Variants in PFKP observed in about 807,000 individuals in gnomAD.
The protein encoded by PFKP is ATP-dependent 6-phosphofructokinase, platelet type.
PFKP carries 101 observed loss-of-function variants against 94.3 expected under a neutral mutation model. The ratio of observed to expected loss-of-function variants is 1.07; its 90% CI spans 0.91 to 1.26. The LOEUF is 1.26. Ranked by LOEUF, PFKP falls within the 50% of genes most tolerant of loss-of-function variation. The pLI is 0.00. For synonymous variants in PFKP, 573 were observed against 432.6 expected (o/e 1.32, Z -4.03); for missense variants, 1,145 against 1,103.3 (o/e 1.04, Z -0.53).
intron 17 of PFKP, among the ~76,000 whole-genome samples, chr10:3,130,384 GAC>G (rs1157372580): frequency 4.6e-5 from 7 of 152,164 alleles, no homozygotes; most frequent in African/African-American, 1.4e-4. Flanking sequence ...CCTCTAAACG[GAC>G]ACAGACATGA....
chr10:3,101,651 C>T lies in PFKP; in HGVS notation c.454+97C>T, dbSNP rs368873529. On this transcript the variant is annotated intron_variant, in intron 4 of 21. Transcript: ENST00000381125. Reference sequence around the variant, plus strand: ...CCTCTTCACTGTGGCAGAAGTACCTCTTCTCACAGATCTTACAGGTCACCA... The same window carrying T: ...CCTCTTCACTGTGGCAGAAGTACCTTTTCTCACAGATCTTACAGGTCACCA... The T allele has an allele frequency of 2.1e-4, 172 of 827,776 alleles. No homozygotes were observed. In the Middle Eastern group the frequency reaches 2.3e-3, roughly 11 times the overall value. The allele number at this position is 827,776 out of a possible 1,614,324, so 51.3% of individuals were successfully genotyped here. A position where few individuals can be genotyped will look rare whatever the true frequency, so the allele number is the denominator to read the frequency against.
chr10:3,117,465 TGGAA>T (rs1836949739), intron 14 of PFKP, among the ~76,000 whole-genome samples: 1 of 152,190 alleles, frequency 6.6e-6, no homozygotes, highest in Non-Finnish European at 1.5e-5. Context: ...CAATTTCACA[TGGAA>T]GGAAGGTAGT....
Position 3,109,374 on chromosome 10 carries a change from AG to A in PFKP, c.985del (p.Ala329GlnfsTer6). The A allele has an allele frequency of 6.2e-7, 1 of 1,610,480 alleles. No homozygotes were observed. Among genetic ancestry groups the A allele is most frequent in the Non-Finnish European group, 8.5e-7 (1 of 1,179,998 alleles). On this transcript the variant is annotated frameshift_variant, in exon 10 of 22. Transcript: ENST00000381125. LOFTEE classifies it high-confidence loss of function. The part of the protein sequence containing the change: ...DRILASRMGV[E>X]AVIALLEATP... ...TTCCAGGCCAGCCGCATGGGAGTGG[AG>A]GCAGTCATCGCCTTGCTAGAGGCCA... is the stretch of plus-strand genomic sequence containing the variant.
intron 4 of PFKP, among the ~76,000 whole-genome samples, chr10:3,102,913 C>T (rs1385081721): frequency 1.3e-5 from 2 of 152,230 alleles, no homozygotes; most frequent in Non-Finnish European, 2.9e-5. Flanking sequence ...CCGTCTGGCA[C>T]AGCACAGTGA....
intron 13 of PFKP, among the ~76,000 whole-genome samples, chr10:3,115,641 C>T (rs1836769027): frequency 6.6e-6 from 1 of 151,694 alleles, no homozygotes; most frequent in Admixed American, 6.6e-5. Context: ...CCGCTGTGTC[C>T]CAGCATCTTC....
chr10:3,070,068 C>T (rs546098716), intron 1 of PFKP, among the ~76,000 whole-genome samples: 17 of 152,372 alleles, frequency 1.1e-4, no homozygotes, highest in Non-Finnish European at 2.5e-4. Flanking sequence ...AATATGGTGG[C>T]CTCGAGCCCA....
chr10:3,088,550 C>A (rs10903957), intron 2 of PFKP, among the ~76,000 whole-genome samples: 68,638 of 151,524 alleles, frequency 0.45, 16,061 homozygotes, highest in Middle Eastern at 0.63. Context: ...GTGACGGCTC[C>A]CACCTCTCTT....
intron 19 of PFKP, 108 bp downstream of exon 19, chr10:3,133,422 A>AGAT (rs1377893473): frequency 2.6e-5 from 20 of 775,326 alleles, no homozygotes; most frequent in Non-Finnish European, 4.3e-5. Flanking sequence ...GTAAATTCCA[A>AGAT]GATGATAAAA....
intron 1 of PFKP, among the ~76,000 whole-genome samples, chr10:3,080,906 A>G (rs2131414184): frequency 6.6e-6 from 1 of 152,162 alleles, no homozygotes; most frequent in African/African-American, 2.4e-5. Flanking sequence ...CAGAGAAGAA[A>G]GTTGTGCTGT....
At chr10:3,121,580 TG>T (rs1374434750) in intron 16 of PFKP, among the ~76,000 whole-genome samples, 3 of 71,334 alleles carry the variant, frequency 4.2e-5, no homozygotes, top group Non-Finnish European at 8.1e-5. Context: ...TATAAATAAC[TG>T]TTTTTTTTTT....
chr10:3,088,506 C>T (rs982642540), intron 2 of PFKP, among the ~76,000 whole-genome samples: 46 of 152,248 alleles, frequency 3.0e-4, no homozygotes, highest in African/African-American at 9.4e-4. Context: ...ACCTGGAGCG[C>T]GTTGCCTGGG....
intron 14 of PFKP, 119 bp downstream of exon 14, chr10:3,116,965 A>AG (rs1321838519): frequency 1.2e-4 from 96 of 808,172 alleles, no homozygotes; most frequent in Admixed American, 4.9e-4. Context: ...TCCCTAAGGG[A>AG]GGGGTGCAGG....
rs190535713 is a variant in PFKP at position 3,096,045 on chromosome 10, G to A, written c.187-3230G>A. 6.6e-5 allele frequency among the ~76,000 whole-genome samples: 10 copies of A among 152,292 alleles called. No individual in the cohort carries two copies. In the East Asian group the frequency reaches 1.5e-3, roughly 24 times the overall value. ...AACATTTTACTTTTCAAAATGTTGTGGTTTGCAGAGCAGTTTTCTTACTAC... is the reference window on the plus strand; with the variant it reads ...AACATTTTACTTTTCAAAATGTTGTAGTTTGCAGAGCAGTTTTCTTACTAC... On this transcript the variant is annotated intron_variant, in intron 2 of 21. Transcript: ENST00000381125.
chr10:3,099,276 G>C lies in PFKP; in HGVS notation c.188G>C (p.Gly63Ala). 6.2e-7 allele frequency: 1 copy of C among 1,611,574 alleles called. No homozygotes were observed. Among genetic ancestry groups the C allele is most frequent in the Non-Finnish European group, 8.5e-7 (1 of 1,177,668 alleles). Residue 63 changes from glycine to alanine, a missense_variant and splice_region_variant, in exon 3 of 22, where the codon GGC becomes GCC. This residue lies in a region of PFKP where 1,119 missense variants were observed against 1,062.8 expected (regional missense o/e 1.05). Transcript: ENST00000381125. Reference sequence around the variant, plus strand: ...AAAGATTCTCCCTTTCTCCCCTAGGGCTACCAGGGCATGGTGGACGGAGGC... The same window carrying C: ...AAAGATTCTCCCTTTCTCCCCTAGGCCTACCAGGGCATGGTGGACGGAGGC... The part of the protein sequence containing the change: ...VGAKVYFIYE[G>A]YQGMVDGGSN...
chr10:3,124,692 C>T (rs1441952253), intron 16 of PFKP, among the ~76,000 whole-genome samples: 3 of 152,232 alleles, frequency 2.0e-5, no homozygotes, highest in Non-Finnish European at 4.4e-5. Context: ...CTGATCCTTG[C>T]CTGCCTGCAG....
At chr10:3,097,590 G>A (rs1390155243) in intron 2 of PFKP, among the ~76,000 whole-genome samples, 1 of 152,204 alleles carries the variant, frequency 6.6e-6, no homozygotes. Flanking sequence ...GGTGCCTGGG[G>A]GGTCTCGGGA....
chr10:3,079,128 C>T (rs72778561), intron 1 of PFKP, among the ~76,000 whole-genome samples: 9,961 of 152,132 alleles, frequency 0.065, 485 homozygotes, highest in South Asian at 0.098. Context: ...CAGGTGAACC[C>T]GGAGTGGGGG....
chr10:3,100,882 ATCC>A, intron 3 of PFKP: 2 of 1,125,602 alleles, frequency 1.8e-6, no homozygotes, highest in African/African-American at 1.6e-5. Flanking sequence ...AAAAAAAAAA[ATCC>A]CCCTGGCCCC....
At chr10:3,116,752 T>C (rs1346372276) in intron 13 of PFKP, 24 bp from the exon 14 acceptor site, 3 of 1,597,242 alleles carry the variant, frequency 1.9e-6, no homozygotes. Flanking sequence ...ACTTTAGCTG[T>C]TTCGTTCTGT....
Sources: allele counts gnomAD v4.1 joint callset (sites outside exome capture counted in the v4.1 genomes callset), GRCh38; gene constraint gnomAD v4.1.1; regional missense constraint gnomAD v4.1.1; transcripts MANE v1.5; gene names NCBI Gene and HGNC (gene_info 2026-07-23, HGNC 2026-07-21).